The following NPAS3 variants were observed in gnomAD, a reference collection of about 807,000 sequenced individuals.
The protein encoded by NPAS3 is neuronal PAS domain protein 3.
Under a neutral mutation model 73.1 loss-of-function variants are expected in NPAS3, and 14 were observed. The observed-to-expected ratio is 0.19, with a 90% confidence interval of 0.13 to 0.30. NPAS3 has a LOEUF of 0.30. NPAS3 is among the 10% of genes least tolerant of loss of function. The pLI is 1.00. For synonymous variants in NPAS3, 620 were observed against 541.5 expected (o/e 1.14, Z -2.01); for missense variants, 1,096 against 1,250.0 (o/e 0.88, Z 1.86).
intron 6 of NPAS3, among the ~76,000 whole-genome samples, chr14:33,705,931 G>A (rs1566447145): frequency 6.6e-6 from 1 of 152,168 alleles, no homozygotes; most frequent in South Asian, 2.1e-4. Context: ...ATGAAAAATA[G>A]CAAATGAAAA....
At chr14:33,482,544 G>C (rs984921348) in intron 4 of NPAS3, among the ~76,000 whole-genome samples, 5 of 152,104 alleles carry the variant, frequency 3.3e-5, no homozygotes, top group African/African-American at 9.7e-5. Context: ...TTTCAGAAGG[G>C]GAGTGGATAA....
intron 4 of NPAS3, among the ~76,000 whole-genome samples, chr14:33,485,848 T>C (rs1283607980): frequency 1.3e-5 from 2 of 152,178 alleles, no homozygotes; most frequent in Non-Finnish European, 2.9e-5. Context: ...CATTTTTTTT[T>C]TCACCTTCTC....
intron 4 of NPAS3, among the ~76,000 whole-genome samples, chr14:33,461,834 T>TG (rs2050280615): frequency 6.6e-6 from 1 of 152,176 alleles, no homozygotes; most frequent in Admixed American, 6.5e-5. Context: ...CCATTTCCTC[T>TG]GGGGGCAGAT....
intron 4 of NPAS3, among the ~76,000 whole-genome samples, chr14:33,541,618 G>A (rs540891646): frequency 1.3e-5 from 2 of 152,200 alleles, no homozygotes; most frequent in South Asian, 4.1e-4. Context: ...CTCAGTGGCT[G>A]TCTCTAAAAT....
At chr14:33,753,618 T>TTTTA in intron 7 of NPAS3, among the ~76,000 whole-genome samples, 1 of 152,282 alleles carries the variant, frequency 6.6e-6, no homozygotes, top group East Asian at 1.9e-4. Flanking sequence ...TAGTCACAGC[T>TTTTA]TTTAGCAGAT....
At chr14:33,339,440 A>G (rs1228571665) in intron 3 of NPAS3, among the ~76,000 whole-genome samples, 1 of 152,196 alleles carries the variant, frequency 6.6e-6, no homozygotes, top group Non-Finnish European at 1.5e-5. Context: ...AAGAGATGCT[A>G]AAAGGGTGTT....
intron 4 of NPAS3, among the ~76,000 whole-genome samples, chr14:33,379,977 CGT>C (rs34208750): frequency 0.052 from 7,517 of 144,276 alleles, 212 homozygotes; most frequent in African/African-American, 0.064. Flanking sequence ...AGTTATCCCT[CGT>C]GTGTGTGTGT....
chr14:32,998,465 A>G (rs1479417355), intron 1 of NPAS3, among the ~76,000 whole-genome samples: 1 of 152,170 alleles, frequency 6.6e-6, no homozygotes, highest in Non-Finnish European at 1.5e-5. Flanking sequence ...TAGTGGTTTC[A>G]CATCTCTTTC....
chr14:33,469,690 G>A (rs17101310), intron 4 of NPAS3, among the ~76,000 whole-genome samples: 10,075 of 151,982 alleles, frequency 0.066, 418 homozygotes, highest in East Asian at 0.14. Context: ...GATAACCCTC[G>A]GTGCAGTATT....
At chr14:33,438,514 A>G (rs1416707483) in intron 4 of NPAS3, among the ~76,000 whole-genome samples, 1 of 152,216 alleles carries the variant, frequency 6.6e-6, no homozygotes, top group Non-Finnish European at 1.5e-5. Context: ...ATCAGAGACA[A>G]GGAGGGTATT....
rs2053679416 is a variant in NPAS3, at chr14:33,524,037, T to C, written c.469-36084T>C. Among the ~76,000 whole-genome samples, 3 of 152,176 alleles carry C rather than the reference T, an allele frequency of 2.0e-5. No homozygotes were observed. In the South Asian group the frequency reaches 6.2e-4, roughly 31 times the overall value. On this transcript the variant is annotated intron_variant, in intron 4 of 11. Transcript: ENST00000356141. Reference sequence around the variant, plus strand: ...ATAACTATAACTATCTTTAATCAAATACCTACTCTGATTCAGATGGACTTT... The same window carrying C: ...ATAACTATAACTATCTTTAATCAAACACCTACTCTGATTCAGATGGACTTT...
At chr14:33,507,122 T>A (rs1020473413) in intron 4 of NPAS3, among the ~76,000 whole-genome samples, 2 of 151,996 alleles carry the variant, frequency 1.3e-5, no homozygotes, top group African/African-American at 2.4e-5. Flanking sequence ...TTTTGTAGAA[T>A]GTAATGAGCA....
At chr14:33,177,080 ATTAT>A in intron 2 of NPAS3, among the ~76,000 whole-genome samples, 1 of 137,708 alleles carries the variant, frequency 7.3e-6, no homozygotes, top group Non-Finnish European at 1.5e-5. Flanking sequence ...TTTTATTATT[ATTAT>A]TATTATTATT....
intron 3 of NPAS3, among the ~76,000 whole-genome samples, chr14:33,318,071 G>A (rs537558016): frequency 1.2e-4 from 19 of 152,080 alleles, no homozygotes; most frequent in African/African-American, 4.1e-4. Context: ...ATTCACATTA[G>A]CCAAATGGTG....
At chr14:33,518,998 G>A (rs145308273) in intron 4 of NPAS3, among the ~76,000 whole-genome samples, 2 of 152,110 alleles carry the variant, frequency 1.3e-5, no homozygotes, top group East Asian at 3.9e-4. Flanking sequence ...ATATCCTCTT[G>A]GTCCCAACCT....
intron 4 of NPAS3, among the ~76,000 whole-genome samples, chr14:33,367,928 T>C (rs1262131522): frequency 6.6e-6 from 1 of 152,080 alleles, no homozygotes; most frequent in East Asian, 1.9e-4. Flanking sequence ...ATTCAAAACT[T>C]TTTTTTACTA....
At chr14:33,197,962 C>A (rs575888049) in intron 2 of NPAS3, among the ~76,000 whole-genome samples, 1 of 152,032 alleles carries the variant, frequency 6.6e-6, no homozygotes, top group South Asian at 2.1e-4. Context: ...TTCGGAGTTT[C>A]TTCCTTGTGG....
chr14:33,547,759 A>G (rs1290627013), intron 4 of NPAS3, among the ~76,000 whole-genome samples: 1 of 152,202 alleles, frequency 6.6e-6, no homozygotes, highest in African/African-American at 2.4e-5. Context: ...ACCATCTGAC[A>G]TTGTACTTCC....
At chr14:33,180,799 CAAGAAAAAAAAAAAA>C (rs2045769192) in intron 2 of NPAS3, among the ~76,000 whole-genome samples, 1 of 69,366 alleles carries the variant, frequency 1.4e-5, no homozygotes, top group African/African-American at 5.8e-5. Flanking sequence ...ACACTGTCTC[CAAGAAAAAAAAAAAA>C]AAAAAAAAAA....
Sources: allele counts gnomAD v4.1 joint callset (sites outside exome capture counted in the v4.1 genomes callset), GRCh38; gene constraint gnomAD v4.1.1; transcripts MANE v1.5; gene names NCBI Gene and HGNC (gene_info 2026-07-23, HGNC 2026-07-21).